The following MYO3B variants were observed in gnomAD, a reference collection of about 807,000 sequenced individuals.
MYO3B encodes myosin IIIB.
MYO3B carries 156 observed loss-of-function variants against 174.6 expected under a neutral mutation model. The ratio of observed to expected loss-of-function variants is 0.89; its 90% CI spans 0.78 to 1.02. The LOEUF (loss-of-function observed/expected upper bound fraction) is 1.02, where lower values mean the gene tolerates loss of function less well. Among genes scored for constraint, MYO3B ranks in the 50% least tolerant of loss-of-function variants. The pLI, the probability that MYO3B is intolerant of heterozygous loss-of-function variation, is 0.00. For missense variants in MYO3B, 1,632 were observed against 1,639.4 expected, an observed-to-expected ratio of 1.00 and a Z score of 0.08; for synonymous variants, 563 against 569.1, an observed-to-expected ratio of 0.99 and a Z score of 0.15.
chr2:170,251,609 C>A (rs541749769), intron 7 of MYO3B, among the ~76,000 whole-genome samples: 3 of 152,104 alleles, frequency 2.0e-5, no homozygotes, highest in Non-Finnish European at 4.4e-5. Context: ...GGTCCAGGAA[C>A]GCCTGGGCTA....
chr2:170,428,841 A>G (rs576225816), intron 22 of MYO3B, among the ~76,000 whole-genome samples: 2 of 152,356 alleles, frequency 1.3e-5, no homozygotes, highest in South Asian at 4.1e-4. Flanking sequence ...CTCATTTGAC[A>G]TATAATACAA....
intron 32 of MYO3B, among the ~76,000 whole-genome samples, chr2:170,626,102 A>T (rs1472399644): frequency 6.6e-6 from 1 of 151,992 alleles, no homozygotes; most frequent in Non-Finnish European, 1.5e-5. Flanking sequence ...CATTTCCTGG[A>T]TATCCTTGTT....
intron 7 of MYO3B, among the ~76,000 whole-genome samples, chr2:170,290,985 C>T (rs188399639): frequency 6.6e-6 from 1 of 152,124 alleles, no homozygotes; most frequent in African/African-American, 2.4e-5. Context: ...TATAGTGGCT[C>T]ATGCCTGTAA....
intron 23 of MYO3B, among the ~76,000 whole-genome samples, chr2:170,463,166 G>A (rs1334144398): frequency 1.3e-5 from 2 of 152,234 alleles, no homozygotes; most frequent in Admixed American, 1.3e-4. Flanking sequence ...TTTATAGAGT[G>A]AGGTATTGTC....
intron 22 of MYO3B, among the ~76,000 whole-genome samples, chr2:170,426,843 C>A (rs912327508): frequency 6.6e-6 from 1 of 151,780 alleles, no homozygotes; most frequent in African/African-American, 2.4e-5. Flanking sequence ...TATAGTGAAA[C>A]CCCGTCTCTA....
At chr2:170,265,409 G>A (rs900560337) in intron 7 of MYO3B, among the ~76,000 whole-genome samples, 2 of 152,230 alleles carry the variant, frequency 1.3e-5, no homozygotes, top group Non-Finnish European at 2.9e-5. Flanking sequence ...ATGTGAATTT[G>A]AGAGTAATTA....
At chr2:170,449,199 C>G (rs559577251) in intron 23 of MYO3B, among the ~76,000 whole-genome samples, 1 of 151,974 alleles carries the variant, frequency 6.6e-6, no homozygotes, top group Non-Finnish European at 1.5e-5. Context: ...ATGAGGCCAG[C>G]TTTCCCTTTA....
chr2:170,649,252 AATAATAT>A (rs1487400337), intron 32 of MYO3B, among the ~76,000 whole-genome samples: 1 of 50,698 alleles, frequency 2.0e-5, no homozygotes, highest in Non-Finnish European at 3.1e-5. Flanking sequence ...TTATATATAA[AATAATAT>A]ATAATATATT....
rs556113752 is a variant in MYO3B, at chr2:170,383,351, A to C, written c.1185+162A>C. Among the ~76,000 whole-genome samples the C allele has an allele frequency of 2.0e-5, 3 of 152,338 alleles. No homozygotes were observed. In the East Asian group the frequency reaches 5.8e-4, roughly 29 times the overall value. On this transcript the variant is annotated intron_variant, in intron 11 of 34. Transcript: ENST00000408978. Reference sequence around the variant, plus strand: ...ATACAAATGGAATTTTTACATCTTGAGAATACCTTTTTAAAGCAAACTATA... The same window carrying C: ...ATACAAATGGAATTTTTACATCTTGCGAATACCTTTTTAAAGCAAACTATA...
chr2:170,474,036 G>C (rs1344225670), intron 25 of MYO3B, among the ~76,000 whole-genome samples: 1 of 152,162 alleles, frequency 6.6e-6, no homozygotes, highest in Non-Finnish European at 1.5e-5. Flanking sequence ...TATTGGCTTA[G>C]GAAATTAGGA....
At position 170,404,342 on chromosome 2, in the gene MYO3B, G is replaced by A; in HGVS notation, c.2373G>A (p.Leu791=). ...TGTTCCTCCAGAAACCCCTGGGACT[G>A]CTTGCACTTTTGGATGAGGAAAGTC... The part of the protein sequence containing the change: ...LDMFLQKPLG[L]LALLDEESRF... The change falls in exon 20 of 35, where the codon CTG becomes CTA. Residue 791 remains leucine, a synonymous_variant. Transcript: ENST00000408978. 1 of 1,613,844 alleles carries A rather than the reference G, an allele frequency of 6.2e-7. No individual in the cohort carries two copies. Among genetic ancestry groups the A allele is most frequent in the Non-Finnish European group, 8.5e-7 (1 of 1,179,890 alleles).
At chr2:170,201,710 C>G (rs528024402) in intron 3 of MYO3B, among the ~76,000 whole-genome samples, 1 of 150,682 alleles carries the variant, frequency 6.6e-6, no homozygotes, top group Non-Finnish European at 1.5e-5. Context: ...ATTAACTCCC[C>G]CACCCCCACC....
At chr2:170,225,685 G>A (rs2105392435) in intron 6 of MYO3B, among the ~76,000 whole-genome samples, 1 of 152,244 alleles carries the variant, frequency 6.6e-6, no homozygotes. Context: ...TTTAGAGTCA[G>A]ATAGATTTGG....
At chr2:170,446,836 A>G (rs1239997944) in intron 23 of MYO3B, among the ~76,000 whole-genome samples, 2 of 152,358 alleles carry the variant, frequency 1.3e-5, no homozygotes, top group South Asian at 2.1e-4. Flanking sequence ...AGATGACATG[A>G]CAGCCATCAG....
At chr2:170,500,238 C>A (rs895273375) in intron 27 of MYO3B, among the ~76,000 whole-genome samples, 1 of 152,160 alleles carries the variant, frequency 6.6e-6, no homozygotes, top group Non-Finnish European at 1.5e-5. Context: ...AGCTTAAATA[C>A]CCTCTTCATA....
intron 9 of MYO3B, 114 bp from the exon 10 acceptor site, chr2:170,381,902 C>G (rs1482370776): frequency 1.8e-5 from 15 of 812,910 alleles, no homozygotes; most frequent in Non-Finnish European, 2.8e-5. Context: ...GTCCCTGTCT[C>G]TGAAGTCTCT....
Position 170,359,116 on chromosome 2 carries a change from A to G in MYO3B, c.816-10106A>G, listed in dbSNP as rs114006192. ...CTCTTGAACAGAGAGGTTGAATACAATGAGAACTAAAAAGGGAACACAGAA... is the reference window on the plus strand; with the variant it reads ...CTCTTGAACAGAGAGGTTGAATACAGTGAGAACTAAAAAGGGAACACAGAA... On this transcript the variant is annotated intron_variant, in intron 8 of 34. Transcript: ENST00000408978. Among the ~76,000 whole-genome samples, 122 of 152,312 alleles carry G rather than the reference A, an allele frequency of 8.0e-4. 1 individual carries two copies. Among genetic ancestry groups the G allele is most frequent in the Non-Finnish European group, 1.4e-3 (92 of 68,030 alleles).
At chr2:170,323,893 A>G (rs1310458983) in intron 7 of MYO3B, among the ~76,000 whole-genome samples, 1 of 152,196 alleles carries the variant, frequency 6.6e-6, no homozygotes, top group African/African-American at 2.4e-5. Flanking sequence ...CTGGACCTAA[A>G]AGAGCCAGGG....
chr2:170,627,797 G>A (rs1696583647), intron 32 of MYO3B, among the ~76,000 whole-genome samples: 1 of 152,226 alleles, frequency 6.6e-6, no homozygotes, highest in African/African-American at 2.4e-5. Context: ...AGGTCTGTTG[G>A]AGTTTGTTGG....
Sources: gnomAD v4.1 joint callset for allele counts (sites outside exome capture counted in the v4.1 genomes callset) on GRCh38, gnomAD v4.1.1 for gene constraint, MANE v1.5 for transcripts, NCBI Gene and HGNC (gene_info 2026-07-23, HGNC 2026-07-21) for gene names.